Variants in CSMD1 observed in about 807,000 individuals in gnomAD.
CSMD1 encodes the protein CUB and sushi domain-containing protein 1.
Under a neutral mutation model 417.5 loss-of-function variants are expected in CSMD1, and 213 were observed. That is an observed-to-expected ratio of 0.51 (90% confidence interval 0.46 to 0.57). The LOEUF (loss-of-function observed/expected upper bound fraction) is 0.57. Among genes scored for constraint, CSMD1 ranks in the 20% least tolerant of loss-of-function variants. CSMD1 has a pLI of 0.00. For missense variants in CSMD1, 6,923 were observed against 4,529.7 expected (o/e 1.53, Z -15.17); for synonymous variants, 2,862 against 1,736.8 (o/e 1.65, Z -16.11).
intron 3 of CSMD1, among the ~76,000 whole-genome samples, chr8:4,141,848 A>G (rs1207934901): frequency 6.6e-6 from 1 of 151,140 alleles, no homozygotes; most frequent in African/African-American, 2.5e-5. Context: ...CGTGACTAAC[A>G]GTACCATTTA....
chr8:3,254,246 T>C (rs1800479988), intron 26 of CSMD1, among the ~76,000 whole-genome samples: 2 of 152,234 alleles, frequency 1.3e-5, no homozygotes, highest in Non-Finnish European at 2.9e-5. Flanking sequence ...AGAGATCAGC[T>C]GTTAGTCTGA....
chr8:4,217,049 A>C (rs911834277), intron 3 of CSMD1, among the ~76,000 whole-genome samples: 4 of 152,210 alleles, frequency 2.6e-5, no homozygotes, highest in Non-Finnish European at 5.9e-5. Flanking sequence ...CTAATGCATT[A>C]AATCAGGTAG....
At chr8:3,903,169 A>G (rs1584938827) in intron 5 of CSMD1, among the ~76,000 whole-genome samples, 1 of 152,076 alleles carries the variant, frequency 6.6e-6, no homozygotes, top group African/African-American at 2.4e-5. Context: ...CCATTTAGCG[A>G]TTGAGTATTA....
intron 3 of CSMD1, among the ~76,000 whole-genome samples, chr8:4,378,738 G>C (rs1484738723): frequency 3.9e-5 from 6 of 152,172 alleles, no homozygotes; most frequent in African/African-American, 1.4e-4. Flanking sequence ...GAGGCCTTTG[G>C]GAGATTATGA....
intron 1 of CSMD1, among the ~76,000 whole-genome samples, chr8:4,984,834 G>C (rs1044205701): frequency 6.6e-6 from 1 of 152,130 alleles, no homozygotes; most frequent in Non-Finnish European, 1.5e-5. Context: ...GTTCTAACTG[G>C]AATAGTAAAA....
intron 1 of CSMD1, among the ~76,000 whole-genome samples, chr8:4,713,165 G>C (rs1808419328): frequency 6.6e-6 from 1 of 152,080 alleles, no homozygotes. Flanking sequence ...GTGTTCCCCG[G>C]GTGGGGAAAC....
At chr8:4,007,139 C>T (rs921392071) in intron 4 of CSMD1, among the ~76,000 whole-genome samples, 1 of 152,048 alleles carries the variant, frequency 6.6e-6, no homozygotes, top group East Asian at 1.9e-4. Context: ...AGCCTGGCCA[C>T]GACTTTTACT....
At chr8:4,675,540 T>A (rs1563118979) in intron 1 of CSMD1, among the ~76,000 whole-genome samples, 1 of 152,100 alleles carries the variant, frequency 6.6e-6, no homozygotes. Context: ...GTTCTGAGAA[T>A]GGTTTGATAT....
intron 11 of CSMD1, among the ~76,000 whole-genome samples, chr8:3,471,669 C>T (rs546160697): frequency 1.4e-5 from 2 of 147,440 alleles, no homozygotes; most frequent in East Asian, 2.1e-4. Flanking sequence ...CCTTTCCCTC[C>T]CTCCCTCCCT....
intron 14 of CSMD1, 119 bp downstream of exon 14, chr8:3,407,780 A>G: frequency 1.2e-6 from 1 of 862,736 alleles, no homozygotes; most frequent in Non-Finnish European, 1.8e-6. Flanking sequence ...CATTTTCATA[A>G]TGATTATAAA....
At position 4,428,630 on chromosome 8, in the gene CSMD1, G is replaced by T. The variant is rs146080393; in HGVS notation, c.303-8565C>A. 4.3e-4 allele frequency among the ~76,000 whole-genome samples: 66 copies of T among 152,090 alleles called. No homozygotes were observed. In the East Asian group the frequency reaches 0.012, roughly 27 times the overall value. On this transcript the variant is annotated intron_variant, in intron 2 of 69. Transcript: ENST00000635120. Reference sequence around the variant, plus strand: ...GTGCTCAAGTTCCTTTAGGAAACACGGAAACTACAGAACTTTTAGGGCTTA... The same window carrying T: ...GTGCTCAAGTTCCTTTAGGAAACACTGAAACTACAGAACTTTTAGGGCTTA...
At chr8:4,054,336 T>C (rs1235012701) in intron 3 of CSMD1, among the ~76,000 whole-genome samples, 1 of 152,108 alleles carries the variant, frequency 6.6e-6, no homozygotes, top group African/African-American at 2.4e-5. Context: ...GGGGTAGGAA[T>C]GTGTGGTTTG....
chr8:3,609,752 C>A (rs1055922296), intron 8 of CSMD1, among the ~76,000 whole-genome samples: 2 of 142,000 alleles, frequency 1.4e-5, no homozygotes, highest in East Asian at 2.0e-4. Context: ...AAAAAAAAAA[C>A]CGAATTACCT....
intron 30 of CSMD1, among the ~76,000 whole-genome samples, chr8:3,208,353 G>A (rs1171418653): frequency 6.6e-6 from 1 of 152,002 alleles, no homozygotes; most frequent in Non-Finnish European, 1.5e-5. Flanking sequence ...TGCAACCTCT[G>A]CCCCCCAGGT....
intron 52 of CSMD1, among the ~76,000 whole-genome samples, chr8:3,004,181 G>C (rs910322151): frequency 1.3e-5 from 2 of 152,154 alleles, no homozygotes; most frequent in Non-Finnish European, 2.9e-5. Context: ...AAATTCCTCA[G>C]TGGACCTTAC....
intron 1 of CSMD1, among the ~76,000 whole-genome samples, chr8:4,742,094 A>C (rs1165712774): frequency 7.9e-6 from 1 of 126,548 alleles, no homozygotes; most frequent in Non-Finnish European, 1.6e-5. Flanking sequence ...GCAGTGGCGC[A>C]ATCTCGGCTC....
rs560564627 is a variant in CSMD1, at chr8:3,606,806, G to A, written c.1097+9904C>T. On this transcript the variant is annotated intron_variant, in intron 8 of 69. Coordinates refer to ENST00000635120, the MANE Select transcript of CSMD1 (RefSeq NM_033225.6). ...ACTCAGCGCAACCTCCACTTCCTGG[G>A]TTCAAGTGATTCTCCTGTCTCAGCC... Among the ~76,000 whole-genome samples the A allele has an allele frequency of 5.3e-5, 8 of 151,624 alleles. No homozygotes were observed. In the South Asian group the frequency reaches 1.7e-3, roughly 32 times the overall value.
intron 3 of CSMD1, among the ~76,000 whole-genome samples, chr8:4,175,957 G>C (rs915304433): frequency 2.0e-5 from 3 of 152,178 alleles, no homozygotes; most frequent in South Asian, 4.1e-4. Flanking sequence ...GGTGGCATGG[G>C]GCAGCTGGGC....
At chr8:4,935,142 T>A (rs770004474) in intron 1 of CSMD1, among the ~76,000 whole-genome samples, 8 of 152,230 alleles carry the variant, frequency 5.3e-5, no homozygotes, top group Non-Finnish European at 7.3e-5. Context: ...AATATGTGTA[T>A]CAGTCACAGG....
Sources: gnomAD v4.1 joint callset for allele counts (sites outside exome capture counted in the v4.1 genomes callset) on GRCh38, gnomAD v4.1.1 for gene constraint, MANE v1.5 for transcripts, NCBI Gene and HGNC (gene_info 2026-07-23, HGNC 2026-07-21) for gene names.